ARHGAP26: variants seen among roughly 807,000 people sequenced by gnomAD.
ARHGAP26 encodes the protein Rho GTPase activating protein 26, also known as rho GTPase-activating protein 26.
Under a neutral mutation model 104.8 loss-of-function variants are expected in ARHGAP26, and 38 were observed. The observed-to-expected ratio is 0.36, with a 90% CI of 0.28 to 0.48. The LOEUF (loss-of-function observed/expected upper bound fraction) is 0.48, where lower values mean the gene tolerates loss of function less well. ARHGAP26 is among the 20% of genes least tolerant of loss of function. ARHGAP26 has a pLI of 0.99. For synonymous variants in ARHGAP26, 341 were observed against 340.0 expected (o/e 1.00, Z -0.03); for missense variants, 704 against 947.9 (o/e 0.74, Z 3.38).
At chr5:143,012,706 T>G (rs1186841842) in intron 11 of ARHGAP26, among the ~76,000 whole-genome samples, 1 of 149,558 alleles carries the variant, frequency 6.7e-6, no homozygotes, top group Non-Finnish European at 1.5e-5. Flanking sequence ...CAGGCTGAAG[T>G]GCAGTGGCGT....
chr5:143,056,316 CTTTTTTTTTT>C (rs10672936), intron 16 of ARHGAP26, among the ~76,000 whole-genome samples: 2 of 80,070 alleles, frequency 2.5e-5, no homozygotes, highest in African/African-American at 9.5e-5. Context: ...CTTCAGAAGT[CTTTTTTTTTT>C]TTTTTTTTTT....
chr5:143,115,419 TA>T (rs1795319199), intron 17 of ARHGAP26, among the ~76,000 whole-genome samples: 2 of 151,706 alleles, frequency 1.3e-5, no homozygotes, highest in African/African-American at 4.9e-5. Flanking sequence ...AAGTATTTCA[TA>T]TTTTTTTTTT....
chr5:143,030,649 A>G (rs1288656292), intron 12 of ARHGAP26, among the ~76,000 whole-genome samples: 2 of 152,082 alleles, frequency 1.3e-5, no homozygotes, highest in African/African-American at 4.8e-5. Context: ...GAACTCATCT[A>G]CTCTCAGAGG....
At chr5:142,859,242 G>A (rs917574723) in intron 1 of ARHGAP26, among the ~76,000 whole-genome samples, 5 of 152,200 alleles carry the variant, frequency 3.3e-5, no homozygotes, top group Admixed American at 6.5e-5. Flanking sequence ...GATGATGGTG[G>A]CATGGACCCA....
chr5:143,227,854 AG>A lies in ARHGAP26; in HGVS notation c.*5410del. The A allele has an allele frequency of 4.5e-6, 1 of 220,330 alleles. No individual in the cohort carries two copies. Among genetic ancestry groups the A allele is most frequent in the East Asian group, 6.7e-5 (1 of 15,020 alleles). 13.6% of individuals were successfully genotyped at this position (220,330 alleles called of 1,614,324 possible). ...AGAAGGATAAATATTATGCTTACTGAGGAGAAAAAAAAAAGCGATCACAGAA... is the reference window on the plus strand; with the variant it reads ...AGAAGGATAAATATTATGCTTACTGAGAGAAAAAAAAAAGCGATCACAGAA... On this transcript the variant is annotated 3_prime_UTR_variant, in exon 23 of 23. Transcript: ENST00000645722.
chr5:143,122,929 G>A (rs1796307507), intron 18 of ARHGAP26, among the ~76,000 whole-genome samples: 1 of 152,170 alleles, frequency 6.6e-6, no homozygotes, highest in East Asian at 1.9e-4. Context: ...TTAACACATA[G>A]GACTTCACAA....
At chr5:143,082,912 G>A (rs973818231) in intron 17 of ARHGAP26, among the ~76,000 whole-genome samples, 3 of 152,204 alleles carry the variant, frequency 2.0e-5, no homozygotes, top group African/African-American at 7.2e-5. Flanking sequence ...TAAAAATGAA[G>A]GGAAGAGGTT....
chr5:143,151,613 C>T (rs1799852454), intron 20 of ARHGAP26, among the ~76,000 whole-genome samples: 2 of 152,166 alleles, frequency 1.3e-5, no homozygotes, highest in African/African-American at 4.8e-5. Flanking sequence ...GTGAACTCTC[C>T]AGCCATGAAA....
At chr5:142,792,538 T>C (rs1172814290) in intron 1 of ARHGAP26, among the ~76,000 whole-genome samples, 2 of 151,214 alleles carry the variant, frequency 1.3e-5, no homozygotes, top group Non-Finnish European at 2.9e-5. Context: ...TTGACCCACA[T>C]TTTTTTTCCT....
At chr5:143,068,455 G>A (rs1370471304) in intron 17 of ARHGAP26, among the ~76,000 whole-genome samples, 3 of 152,226 alleles carry the variant, frequency 2.0e-5, no homozygotes, top group African/African-American at 4.8e-5. Flanking sequence ...TCTCCTGTGC[G>A]ACAGGGGAAC....
chr5:143,145,342 C>A (rs1408849395), intron 19 of ARHGAP26, among the ~76,000 whole-genome samples: 2 of 152,202 alleles, frequency 1.3e-5, no homozygotes, highest in East Asian at 3.8e-4. Flanking sequence ...AAAGTTAATA[C>A]AACTGTTTTT....
At position 142,907,814 on chromosome 5, in the gene ARHGAP26, T is replaced by C; in HGVS notation, c.933+10T>C. The C allele has an allele frequency of 6.3e-7, 1 of 1,589,436 alleles. No individual in the cohort carries two copies. The highest frequency in any genetic ancestry group is 8.6e-7 in the Non-Finnish European group (1 of 1,160,856). ...GTCAGGAGGAAAAGGGGTGAGTTCA[T>C]TTTTAAAATTTGATGTTTGATTTGC... On this transcript the variant is annotated intron_variant, in intron 9 of 22. Coordinates refer to ENST00000645722, the MANE Select transcript of ARHGAP26 (RefSeq NM_001135608.3).
At chr5:142,850,716 C>T (rs1751348646) in intron 1 of ARHGAP26, among the ~76,000 whole-genome samples, 1 of 152,140 alleles carries the variant, frequency 6.6e-6, no homozygotes, top group African/African-American at 2.4e-5. Flanking sequence ...CTATTTCTAC[C>T]TCCTCCCTTC....
chr5:143,129,327 C>A (rs768516384), intron 18 of ARHGAP26, among the ~76,000 whole-genome samples: 1 of 152,146 alleles, frequency 6.6e-6, no homozygotes, highest in Admixed American at 6.5e-5. Flanking sequence ...ATCTTTTGAA[C>A]ACTGAATGTC....
intron 1 of ARHGAP26, among the ~76,000 whole-genome samples, chr5:142,863,051 T>G (rs1753643385): frequency 6.6e-6 from 1 of 151,986 alleles, no homozygotes; most frequent in Admixed American, 6.6e-5. Context: ...AAAAGATACT[T>G]TGGGAGGGAT....
At chr5:143,101,638 TC>T (rs1049083069) in intron 17 of ARHGAP26, among the ~76,000 whole-genome samples, 1 of 151,786 alleles carries the variant, frequency 6.6e-6, no homozygotes, top group African/African-American at 2.4e-5. Flanking sequence ...ACTTTTCCCT[TC>T]TTTTTTTTTT....
chr5:142,778,934 A>G (rs900800968), intron 1 of ARHGAP26, among the ~76,000 whole-genome samples: 12 of 142,070 alleles, frequency 8.4e-5, no homozygotes, highest in Middle Eastern at 3.5e-3. Context: ...TAAAACAACC[A>G]AGGGATAGAA....
intron 1 of ARHGAP26, among the ~76,000 whole-genome samples, chr5:142,791,261 G>A (rs1237011987): frequency 2.0e-5 from 3 of 152,206 alleles, no homozygotes; most frequent in Admixed American, 2.0e-4. Context: ...TTCCTTTGGG[G>A]TAGCCCAAGA....
At position 142,770,582 on chromosome 5, in the gene ARHGAP26, A is replaced by AG. The variant is rs1163038678; in HGVS notation, c.-179dup. The stretch of plus-strand genomic sequence containing the variant: ...AACAGCAGCACCTCGGCCGGGTCCG[A>AG]GCTCGGTTCGGGAGTCTTGCGCGCC... On this transcript the variant is annotated 5_prime_UTR_variant, in exon 1 of 23. Transcript: ENST00000645722. The AG allele has an allele frequency of 3.7e-6, 1 of 272,454 alleles. No individual in the cohort carries two copies. Among genetic ancestry groups the AG allele is most frequent in the African/African-American group, 2.3e-5 (1 of 43,996 alleles). The allele number at this position is 272,454 out of a possible 1,614,324, so 16.9% of individuals were successfully genotyped here. A position where few individuals can be genotyped will look rare whatever the true frequency, so the allele number is the denominator to read the frequency against.
Sources: gnomAD v4.1 joint callset for allele counts (sites outside exome capture counted in the v4.1 genomes callset) on GRCh38, gnomAD v4.1.1 for gene constraint, MANE v1.5 for transcripts, NCBI Gene and HGNC (gene_info 2026-07-23, HGNC 2026-07-21) for gene names.